The following FBXO30 variants were observed in gnomAD, a reference collection of about 807,000 sequenced individuals.
The protein encoded by FBXO30 is F-box protein 30.
FBXO30 carries 21 observed loss-of-function variants against 58.1 expected under a neutral mutation model. The ratio of observed to expected loss-of-function variants is 0.36; its 90% CI spans 0.26 to 0.52. The LOEUF (loss-of-function observed/expected upper bound fraction) is 0.52, where lower values mean the gene tolerates loss of function less well. FBXO30 is among the 20% of genes least tolerant of loss of function. FBXO30 has a pLI of 0.93. For missense variants in FBXO30, 744 were observed against 897.3 expected, an observed-to-expected ratio of 0.83 and a Z score of 2.18; for synonymous variants, 309 against 312.4, an observed-to-expected ratio of 0.99 and a Z score of 0.11.
At chr6:145,812,434 GT>G (rs1461762393) in intron 1 of FBXO30, among the ~76,000 whole-genome samples, 1 of 152,042 alleles carries the variant, frequency 6.6e-6, no homozygotes, top group African/African-American at 2.4e-5. Context: ...CACCCAAACG[GT>G]AGAACTCAGT....
rs149804615 is a variant in FBXO30 at position 145,801,261 on chromosome 6, C to A, written c.2035-952G>T. ...ATGTCTAATTAGGGAACAATTTACA[C>A]ACGTTGAACTGCAGATGCTTTAGAA... On this transcript the variant is annotated intron_variant, in intron 2 of 2. Transcript: ENST00000237281. Among the ~76,000 whole-genome samples the A allele has an allele frequency of 2.9e-3, 447 of 152,240 alleles. 3 individuals are homozygous for A. Among genetic ancestry groups the A allele is most frequent in the African/African-American group, 9.8e-3 (406 of 41,558 alleles).
Position 145,805,597 on chromosome 6 carries a change from A to G in FBXO30, c.809T>C (p.Leu270Ser), listed in dbSNP as rs201654330. ...ATAAGAACTTGTATTCAAGTCACAT[A>G]ATAAATCACTTGAACCATTTTGTTC... ...QSEQNGSSDLLCDLNTSSYDT... is the reference protein window; with the variant it reads ...QSEQNGSSDLSCDLNTSSYDT... The change falls in exon 2 of 3, where the codon TTA becomes TCA. Residue 270 changes from leucine to serine, a missense_variant. Coordinates refer to ENST00000237281, the MANE Select transcript of FBXO30 (RefSeq NM_032145.5). 3 of 1,613,884 alleles carry G rather than the reference A, an allele frequency of 1.9e-6. No individual in the cohort carries two copies. The highest frequency in any genetic ancestry group is 3.3e-4 in the Middle Eastern group (2 of 6,054).
intron 1 of FBXO30, among the ~76,000 whole-genome samples, chr6:145,808,059 G>GA (rs899124738): frequency 7.8e-4 from 118 of 152,220 alleles, no homozygotes; most frequent in African/African-American, 2.7e-3. Context: ...ATGAGCCCAG[G>GA]AGATTGAGGC....
chr6:145,800,359 CA>C (rs766742306), intron 2 of FBXO30, 50 bp from the exon 3 acceptor site: 10 of 1,509,316 alleles, frequency 6.6e-6, no homozygotes, highest in Non-Finnish European at 9.1e-6. Context: ...TGTAGAGAAT[CA>C]AAACACACTT....
rs1777876405 is a variant in FBXO30 at position 145,796,886 on chromosome 6, G to A, written c.*3220C>T. ...TAAGATCCCAACATCCAGTGTTAAA[G>A]GACAGATATTAATAGCAACAACATT... On this transcript the variant is annotated 3_prime_UTR_variant, in exon 3 of 3. Transcript: ENST00000237281. The A allele has an allele frequency of 6.6e-6, 1 of 151,752 alleles. No homozygotes were observed. Among genetic ancestry groups the A allele is most frequent in the Admixed American group, 6.6e-5 (1 of 15,192 alleles). 9.4% of individuals were successfully genotyped at this position (151,752 alleles called of 1,614,324 possible).
intron 1 of FBXO30, among the ~76,000 whole-genome samples, chr6:145,808,291 A>G (rs1414248760): frequency 1.3e-5 from 2 of 151,202 alleles, no homozygotes; most frequent in African/African-American, 4.9e-5. Flanking sequence ...TTCTGGCCCC[A>G]TTTTTACTAC....
chr6:145,811,853 A>C (rs1046983497), intron 1 of FBXO30: 1 of 152,208 alleles, frequency 6.6e-6, no homozygotes, highest in East Asian at 1.9e-4. Context: ...CAAATTTGGC[A>C]ATCAGTTATA....
rs1306255232 is a variant in FBXO30 at position 145,799,871 on chromosome 6, T to C, written c.*235A>G. 2 of 296,408 alleles carry C rather than the reference T, an allele frequency of 6.7e-6. No homozygotes were observed. Among genetic ancestry groups the C allele is most frequent in the African/African-American group, 2.2e-5 (1 of 45,704 alleles). The allele number at this position is 296,408 out of a possible 1,614,324, so 18.4% of individuals were successfully genotyped here. ...ATACTAATTCTTAAAATTATGTAGC[T>C]AAAAATTAAATCACCCTGTCCAGCA... On this transcript the variant is annotated 3_prime_UTR_variant, in exon 3 of 3. Coordinates refer to ENST00000237281, the MANE Select transcript of FBXO30 (RefSeq NM_032145.5).
rs896419855 is a variant in FBXO30, at chr6:145,799,204, G to T, written c.*902C>A. ...TTAAATGTCTTAAAACAACATAGTT[G>T]TAATGTTTATAAACATCAAAGGCAA... is the stretch of plus-strand genomic sequence containing the variant. On this transcript the variant is annotated 3_prime_UTR_variant, in exon 3 of 3. Coordinates refer to ENST00000237281, the MANE Select transcript of FBXO30 (RefSeq NM_032145.5). The T allele has an allele frequency of 6.6e-6, 1 of 152,182 alleles. No individual in the cohort carries two copies. The highest frequency in any genetic ancestry group is 1.5e-5 in the Non-Finnish European group (1 of 67,908). The allele number at this position is 152,182 out of a possible 1,614,324, so 9.4% of individuals were successfully genotyped here.
Position 145,805,938 on chromosome 6 carries a change from G to C in FBXO30, c.468C>G (p.Ile156Met), listed in dbSNP as rs1778154576. 1 of 1,613,888 alleles carries C rather than the reference G, an allele frequency of 6.2e-7. No homozygotes were observed. The highest frequency in any genetic ancestry group is 1.3e-5 in the African/African-American group (1 of 74,904). ...TDKVSKPREQ[I>M]SVKSSVPEIP... Reference sequence around the variant, plus strand: ...TTTCTGGGACACTTGATTTAACTGAGATTTGTTCTCTAGGTTTGGATACTT... The same window carrying C: ...TTTCTGGGACACTTGATTTAACTGACATTTGTTCTCTAGGTTTGGATACTT... The change falls in exon 2 of 3, where the codon ATC becomes ATG. Residue 156 changes from isoleucine (I) to methionine (M), a missense_variant. Physicochemically the swap from Ile to Met is conservative, Grantham distance 10. Around this residue, in one of 3 missense-constraint regions of FBXO30, gnomAD observed 135 missense variants for 201.6 expected, o/e 0.67. Transcript: ENST00000237281.
rs1777826715 is a variant in FBXO30, at chr6:145,794,229, C to T, written c.*5877G>A. 1 of 151,928 alleles carries T rather than the reference C, an allele frequency of 6.6e-6. No individual in the cohort carries two copies. The highest frequency in any genetic ancestry group is 2.4e-5 in the African/African-American group (1 of 41,414). The allele number at this position is 151,928 out of a possible 1,614,324, so 9.4% of individuals were successfully genotyped here. On this transcript the variant is annotated 3_prime_UTR_variant, in exon 3 of 3. Coordinates refer to ENST00000237281, the MANE Select transcript of FBXO30 (RefSeq NM_032145.5). ...ATAATATGTAGCCTTTTGTGTCTAG[C>T]TTCATTCACTTAGGTTTTTTATCCT...
chr6:145,811,801 T>G (rs1455229456), intron 1 of FBXO30: 1 of 152,224 alleles, frequency 6.6e-6, no homozygotes, highest in Non-Finnish European at 1.5e-5. Context: ...ATTTGTTCAA[T>G]TAATTAACCA....
At position 145,797,583 on chromosome 6, in the gene FBXO30, T is replaced by G. The variant is rs1174548338; in HGVS notation, c.*2523A>C. ...CTAATAATCTGCATTTCTAACAAAT[T>G]CCTAGGTGTTGATGTTCCTGCTGGT... On this transcript the variant is annotated 3_prime_UTR_variant, in exon 3 of 3. Coordinates refer to ENST00000237281, the MANE Select transcript of FBXO30 (RefSeq NM_032145.5). 6.6e-6 allele frequency: 1 copy of G among 152,010 alleles called. No homozygotes were observed. Among genetic ancestry groups the G allele is most frequent in the Non-Finnish European group, 1.5e-5 (1 of 67,956 alleles). The allele number at this position is 152,010 out of a possible 1,614,324, so 9.4% of individuals were successfully genotyped here.
intron 2 of FBXO30, among the ~76,000 whole-genome samples, chr6:145,801,266 T>A (rs1777988227): frequency 6.6e-6 from 1 of 152,112 alleles, no homozygotes; most frequent in Non-Finnish European, 1.5e-5. Context: ...TTACACACGT[T>A]GAACTGCAGA....
At chr6:145,811,984 C>T (rs1211123658) in intron 1 of FBXO30, 1 of 152,130 alleles carries the variant, frequency 6.6e-6, no homozygotes. Context: ...AATCTATACC[C>T]TAGTTAGGCA....
In FBXO30 at chr6:145,795,326, C is replaced by T. The variant is rs1008310044; in HGVS notation, c.*4780G>A. ...TGATTAATTGGTCTTAAGAGTTCAA[C>T]ACAAATGCAGTTTTGTTACTTTCAA... On this transcript the variant is annotated 3_prime_UTR_variant, in exon 3 of 3. Coordinates refer to ENST00000237281, the MANE Select transcript of FBXO30 (RefSeq NM_032145.5). 2 of 151,850 alleles carry T rather than the reference C, an allele frequency of 1.3e-5. No homozygotes were observed. Among genetic ancestry groups the T allele is most frequent in the Admixed American group, 6.6e-5 (1 of 15,238 alleles). The allele number at this position is 151,850 out of a possible 1,614,324, so 9.4% of individuals were successfully genotyped here.
In FBXO30 at chr6:145,805,650, G is replaced by A. The variant is rs945275222; in HGVS notation, c.756C>T (p.Tyr252=). ...ACTGGGCATTCTGATTTGTGTCATT[G>A]TAGTCAATTCCACCTACTGCTCCTA... ...EEIGAVGGID[Y]NDTNQNAQSE... is the part of the protein sequence containing the mutation. The change falls in exon 2 of 3, where the codon TAC becomes TAT. Residue 252 remains tyrosine (Y), a synonymous_variant. Transcript: ENST00000237281. The A allele has an allele frequency of 1.2e-6, 2 of 1,614,060 alleles. No individual in the cohort carries two copies. The highest frequency in any genetic ancestry group is 1.7e-6 in the Non-Finnish European group (2 of 1,179,986).
intron 1 of FBXO30, among the ~76,000 whole-genome samples, chr6:145,813,412 C>G (rs1778389741): frequency 6.6e-6 from 1 of 151,872 alleles, no homozygotes; most frequent in Non-Finnish European, 1.5e-5. Flanking sequence ...CATGTTATCC[C>G]CAATTAAACT....
At chr6:145,800,535 C>CTT (rs1299558754) in intron 2 of FBXO30, among the ~76,000 whole-genome samples, 1 of 151,918 alleles carries the variant, frequency 6.6e-6, no homozygotes, top group East Asian at 1.9e-4. Context: ...AATCTAAAAA[C>CTT]AATAAAAGAC....
Sources: gnomAD v4.1 joint callset for allele counts (sites outside exome capture counted in the v4.1 genomes callset) on GRCh38, gnomAD v4.1.1 for gene constraint, gnomAD v4.1.1 regional missense constraint, MANE v1.5 for transcripts, NCBI Gene and HGNC (gene_info 2026-07-23, HGNC 2026-07-21) for gene names.